MICU2: variants seen among roughly 807,000 people sequenced by gnomAD.
MICU2 encodes mitochondrial calcium uptake 2, also known as calcium uptake protein 2, mitochondrial.
In MICU2, 64 loss-of-function variants were observed where a neutral mutation model predicts 60.4. The observed-to-expected ratio is 1.06, with a 90% CI of 0.87 to 1.31. The LOEUF is 1.31. MICU2 is among the 50% of genes most tolerant of loss of function. MICU2 has a pLI of 0.00. For synonymous variants in MICU2, 201 were observed against 175.0 expected (o/e 1.15, Z -1.17); for missense variants, 569 against 531.0 (o/e 1.07, Z -0.70).
chr13:21,538,131 T>A (rs1387111619), intron 4 of MICU2, among the ~76,000 whole-genome samples: 1 of 151,680 alleles, frequency 6.6e-6, no homozygotes, highest in Non-Finnish European at 1.5e-5. Flanking sequence ...CATGACCATG[T>A]CTCTCAAGAG....
intron 9 of MICU2, among the ~76,000 whole-genome samples, chr13:21,501,896 C>G (rs1391630781): frequency 6.6e-6 from 1 of 152,154 alleles, no homozygotes; most frequent in South Asian, 2.1e-4. Flanking sequence ...TCTATGCGGA[C>G]AGAGACTCCT....
intron 2 of MICU2, among the ~76,000 whole-genome samples, chr13:21,543,931 G>A (rs1184980475): frequency 2.0e-5 from 3 of 152,128 alleles, no homozygotes; most frequent in Non-Finnish European, 2.9e-5. Context: ...CAAAGCTGTA[G>A]TAACCAAAAA....
chr13:21,505,764 C>A (rs2138141574), intron 8 of MICU2, among the ~76,000 whole-genome samples: 1 of 152,280 alleles, frequency 6.6e-6, no homozygotes, highest in South Asian at 2.1e-4. Context: ...ACTACATGAT[C>A]ACTTAAACCT....
intron 9 of MICU2, among the ~76,000 whole-genome samples, chr13:21,502,456 T>A (rs761544645): frequency 3.3e-5 from 5 of 152,168 alleles, no homozygotes; most frequent in African/African-American, 4.8e-5. Context: ...TACTTGTAAT[T>A]TGTATATAGG....
intron 1 of MICU2, among the ~76,000 whole-genome samples, chr13:21,602,391 G>A (rs1418570842): frequency 2.6e-5 from 4 of 152,202 alleles, no homozygotes; most frequent in South Asian, 2.1e-4. Flanking sequence ...GCGCGATGGC[G>A]GGCGCCTGTA....
intron 4 of MICU2, among the ~76,000 whole-genome samples, chr13:21,531,965 G>T (rs1399717338): frequency 6.6e-6 from 1 of 152,162 alleles, no homozygotes; most frequent in Non-Finnish European, 1.5e-5. Flanking sequence ...AATCCTTCTG[G>T]AGACCAGAAT....
intron 4 of MICU2, among the ~76,000 whole-genome samples, chr13:21,534,066 C>T (rs770665792): frequency 3.4e-5 from 5 of 146,264 alleles, no homozygotes; most frequent in African/African-American, 5.1e-5. Flanking sequence ...CTAGTCTGGG[C>T]GTGAGACTGT....
At chr13:21,546,951 C>T (rs1220759563) in intron 2 of MICU2, among the ~76,000 whole-genome samples, 1 of 152,152 alleles carries the variant, frequency 6.6e-6, no homozygotes, top group African/African-American at 2.4e-5. Context: ...AGCTTTATTT[C>T]TCTCTTTTAA....
intron 1 of MICU2, among the ~76,000 whole-genome samples, chr13:21,592,263 G>T (rs1888599984): frequency 1.3e-5 from 2 of 152,230 alleles, no homozygotes; most frequent in African/African-American, 4.8e-5. Context: ...AGAAAATCTA[G>T]AAGAAATGGA....
chr13:21,536,060 C>A (rs1333856939), intron 4 of MICU2, among the ~76,000 whole-genome samples: 1 of 152,092 alleles, frequency 6.6e-6, no homozygotes, highest in East Asian at 1.9e-4. Flanking sequence ...TTGTTAACCT[C>A]AAAGTCTATA....
intron 9 of MICU2, chr13:21,502,711 C>T: frequency 2.2e-6 from 1 of 449,234 alleles, no homozygotes; most frequent in Non-Finnish European, 3.9e-6. Context: ...TTATTCTTGA[C>T]TTTACTGGAA....
chr13:21,559,891 T>G (rs893432796), intron 2 of MICU2, among the ~76,000 whole-genome samples: 1 of 152,218 alleles, frequency 6.6e-6, no homozygotes, highest in Non-Finnish European at 1.5e-5. Context: ...ATCTACATTC[T>G]CTTCAACTTT....
chr13:21,567,136 G>A (rs1269371891), intron 1 of MICU2, among the ~76,000 whole-genome samples, 192 bp from the exon 2 acceptor site: 1 of 152,028 alleles, frequency 6.6e-6, no homozygotes, highest in African/African-American at 2.4e-5. Context: ...ACTAACTTGA[G>A]GGAAGTGACA....
intron 5 of MICU2, 78 bp downstream of exon 5, chr13:21,522,525 A>C: frequency 1.7e-6 from 2 of 1,155,662 alleles, no homozygotes; most frequent in Non-Finnish European, 2.5e-6. Context: ...AAAGACATAA[A>C]TGCCAAACTT....
At chr13:21,598,202 C>G (rs11839946) in intron 1 of MICU2, among the ~76,000 whole-genome samples, 3,468 of 151,628 alleles carry the variant, frequency 0.023, 110 homozygotes, top group African/African-American at 0.074. Context: ...ACAACAAAAA[C>G]CTGTTATGAA....
chr13:21,540,182 T>C (rs2251679), intron 2 of MICU2, among the ~76,000 whole-genome samples: 148,450 of 152,266 alleles, frequency 0.97, 72,465 homozygotes, highest in Middle Eastern at 1. Flanking sequence ...AAAGTAGTTA[T>C]TTTTAATAAT....
At chr13:21,586,862 T>G (rs1205850926) in intron 1 of MICU2, among the ~76,000 whole-genome samples, 2 of 152,330 alleles carry the variant, frequency 1.3e-5, no homozygotes, top group Admixed American at 1.3e-4. Flanking sequence ...TACAAACATT[T>G]AAATATAGTA....
chr13:21,594,940 G>A (rs1440593436), intron 1 of MICU2, among the ~76,000 whole-genome samples: 5 of 152,022 alleles, frequency 3.3e-5, no homozygotes, highest in Non-Finnish European at 5.9e-5. Context: ...AAACCACCAT[G>A]GCACACATAT....
chr13:21,591,923 A>C (rs1888591961), intron 1 of MICU2, among the ~76,000 whole-genome samples: 1 of 152,210 alleles, frequency 6.6e-6, no homozygotes, highest in South Asian at 2.1e-4. Flanking sequence ...AAAATCTCAA[A>C]TCAACACCCT....
Sources: allele counts gnomAD v4.1 joint callset (sites outside exome capture counted in the v4.1 genomes callset), GRCh38; gene constraint gnomAD v4.1.1; transcripts MANE v1.5; gene names NCBI Gene and HGNC (gene_info 2026-07-23, HGNC 2026-07-21).